C9: variants seen among roughly 807,000 people sequenced by gnomAD.
C9 encodes complement C9.
Under a neutral mutation model 65.4 loss-of-function variants are expected in C9, and 63 were observed. The ratio of observed to expected loss-of-function variants is 0.96; its 90% CI spans 0.79 to 1.19. C9 has a LOEUF of 1.19. C9 is among the 50% of genes most tolerant of loss of function. The pLI is 0.00. For synonymous variants in C9, 229 were observed against 227.9 expected (o/e 1.00, Z -0.04); for missense variants, 744 against 670.1 (o/e 1.11, Z -1.22).
Position 39,338,700 on chromosome 5 carries a change from C to T in C9, c.476+2446G>A, listed in dbSNP as rs1301570820. The stretch of plus-strand genomic sequence containing the variant: ...TTCCATTTCTGCAGCTGACCTTTCC[C>T]CATAGCTAGGGCACCACCTTCTTAC... On this transcript the variant is annotated intron_variant, in intron 4 of 10. Coordinates refer to ENST00000263408, the MANE Select transcript of C9 (RefSeq NM_001737.5). Among the ~76,000 whole-genome samples the T allele has an allele frequency of 1.3e-5, 2 of 152,136 alleles. 1 individual carries two copies. The highest frequency in any genetic ancestry group is 3.9e-4 in the East Asian group (2 of 5,188).
intron 5 of C9, among the ~76,000 whole-genome samples, chr5:39,322,256 C>A (rs1753677073): frequency 6.6e-6 from 1 of 151,424 alleles, no homozygotes; most frequent in Non-Finnish European, 1.5e-5. Context: ...ATAAATAAGT[C>A]AATGAAGAGA....
intron 1 of C9, among the ~76,000 whole-genome samples, chr5:39,350,163 GGA>G (rs1234135551): frequency 2.0e-5 from 3 of 152,100 alleles, no homozygotes; most frequent in Non-Finnish European, 2.9e-5. Context: ...CATAACATCA[GGA>G]GAGAGAGAGT....
At chr5:39,354,778 C>A (rs1288478763) in intron 1 of C9, among the ~76,000 whole-genome samples, 1 of 152,158 alleles carries the variant, frequency 6.6e-6, no homozygotes, top group East Asian at 1.9e-4. Flanking sequence ...TAACCCCCTG[C>A]ATAGCTAATA....
chr5:39,339,138 T>C (rs1315611195), intron 4 of C9, among the ~76,000 whole-genome samples: 3 of 152,190 alleles, frequency 2.0e-5, no homozygotes, highest in African/African-American at 4.8e-5. Flanking sequence ...GAGCACACCA[T>C]GATCTAGTTA....
intron 1 of C9, among the ~76,000 whole-genome samples, chr5:39,345,200 A>T (rs1754166874): frequency 6.6e-6 from 1 of 152,222 alleles, no homozygotes; most frequent in Non-Finnish European, 1.5e-5. Context: ...AATGGGCTAA[A>T]TGCGCCAATT....
chr5:39,347,286 C>G (rs1754216417), intron 1 of C9, among the ~76,000 whole-genome samples: 1 of 152,132 alleles, frequency 6.6e-6, no homozygotes, highest in Non-Finnish European at 1.5e-5. Context: ...TTGTCTCAGC[C>G]CCAAATCTCC....
intron 10 of C9, 101 bp from the exon 11 acceptor site, chr5:39,285,334 C>T (rs1214003164): frequency 1.2e-5 from 11 of 884,300 alleles, no homozygotes; most frequent in South Asian, 4.0e-5. Flanking sequence ...TCTTGCACCA[C>T]GTTGTGCCAT....
chr5:39,328,774 G>A (rs1753793881), intron 5 of C9, among the ~76,000 whole-genome samples: 2 of 152,102 alleles, frequency 1.3e-5, no homozygotes, highest in Admixed American at 1.3e-4. Context: ...TAAGATGAGA[G>A]GGTTAAAAGT....
chr5:39,363,035 C>G (rs970718170), intron 1 of C9, among the ~76,000 whole-genome samples: 6 of 152,142 alleles, frequency 3.9e-5, no homozygotes, highest in African/African-American at 1.4e-4. Flanking sequence ...TTCCCCACAG[C>G]CTCTCATTTT....
rs1182613709 is a variant in C9 at position 39,359,012 on chromosome 5, TAA to T, written c.77+5374_77+5375del. 9.1e-3 allele frequency among the ~76,000 whole-genome samples: 257 copies of T among 28,132 alleles called. 1 individual carries two copies. Among genetic ancestry groups the T allele is most frequent in the African/African-American group, 0.04 (237 of 5,914 alleles). 18.5% of individuals were successfully genotyped at this position (28,132 alleles called of 152,430 possible). On this transcript the variant is annotated intron_variant, in intron 1 of 10. Transcript: ENST00000263408. ...AAAAATAAATAAATAAATAAATAAA[TAA>T]AAAATATATATATATATATATATGT...
intron 6 of C9, among the ~76,000 whole-genome samples, chr5:39,312,921 T>C (rs1753510913): frequency 6.6e-6 from 1 of 152,160 alleles, no homozygotes; most frequent in Admixed American, 6.5e-5. Flanking sequence ...TTAGCCTGTA[T>C]GTTATAGGTC....
intron 4 of C9, among the ~76,000 whole-genome samples, chr5:39,332,159 G>T (rs1274423470): frequency 6.6e-6 from 1 of 152,178 alleles, no homozygotes; most frequent in Non-Finnish European, 1.5e-5. Context: ...ACCAATAACT[G>T]ATGCTGTAAT....
chr5:39,293,924 C>G (rs1042030331), intron 9 of C9, among the ~76,000 whole-genome samples: 1 of 151,850 alleles, frequency 6.6e-6, no homozygotes, highest in Non-Finnish European at 1.5e-5. Context: ...TGTACAAATA[C>G]ATGGAAATTA....
chr5:39,295,777 C>T (rs1240150150), intron 9 of C9, among the ~76,000 whole-genome samples: 5 of 151,500 alleles, frequency 3.3e-5, no homozygotes, highest in South Asian at 4.1e-4. Context: ...TATCGGATCT[C>T]GAAATATATT....
At chr5:39,314,463 T>A (rs529801862) in intron 6 of C9, among the ~76,000 whole-genome samples, 1 of 151,578 alleles carries the variant, frequency 6.6e-6, no homozygotes, top group Non-Finnish European at 1.5e-5. Flanking sequence ...ATAAATAAAT[T>A]AAATTAAATT....
intron 1 of C9, among the ~76,000 whole-genome samples, chr5:39,356,544 A>C (rs968068295): frequency 6.6e-6 from 1 of 152,226 alleles, no homozygotes; most frequent in Non-Finnish European, 1.5e-5. Flanking sequence ...CTTACACCTA[A>C]ATGATGTCAA....
chr5:39,303,936 G>A (rs1170302443), intron 9 of C9, among the ~76,000 whole-genome samples: 1 of 152,088 alleles, frequency 6.6e-6, no homozygotes, highest in Non-Finnish European at 1.5e-5. Context: ...GAGCTGCTGG[G>A]ATAGACTACC....
chr5:39,355,659 C>A (rs1479214690), intron 1 of C9, among the ~76,000 whole-genome samples: 1 of 152,184 alleles, frequency 6.6e-6, no homozygotes, highest in Non-Finnish European at 1.5e-5. Context: ...ATGTTAAGCT[C>A]AGTGTATGAG....
intron 1 of C9, among the ~76,000 whole-genome samples, chr5:39,356,197 T>A (rs1057009301): frequency 2.6e-5 from 4 of 152,234 alleles, no homozygotes; most frequent in African/African-American, 9.6e-5. Flanking sequence ...TAGTTCTTTT[T>A]TATAGATGGG....
Sources: allele counts gnomAD v4.1 joint callset (sites outside exome capture counted in the v4.1 genomes callset), GRCh38; gene constraint gnomAD v4.1.1; transcripts MANE v1.5; gene names NCBI Gene and HGNC (gene_info 2026-07-23, HGNC 2026-07-21).